Variants in C7orf57 observed in about 807,000 individuals in gnomAD.
C7orf57 encodes the protein chromosome 7 open reading frame 57, also known as uncharacterized protein C7orf57.
Under a neutral mutation model 39.0 loss-of-function variants are expected in C7orf57, and 33 were observed. That is an observed-to-expected ratio of 0.85 (90% CI 0.64 to 1.13). The LOEUF (loss-of-function observed/expected upper bound fraction) is 1.13, where lower values mean the gene tolerates loss of function less well. C7orf57 is among the 50% of genes most tolerant of loss of function. The pLI is 0.00. For missense variants in C7orf57, 346 were observed against 362.3 expected (o/e 0.95, Z 0.37); for synonymous variants, 124 against 137.1 (o/e 0.90, Z 0.67).
rs375254209 is a variant in C7orf57, at chr7:48,036,295, T to C, written c.-14T>C. On this transcript the variant is annotated 5_prime_UTR_variant, in exon 2 of 9. Transcript: ENST00000348904. ...GCAGCATCTGTCTTTTCCCGCAGCG[T>C]GCAGCGCCTGACCATGAGGAACACA... 5.1e-6 allele frequency: 8 copies of C among 1,576,960 alleles called. No homozygotes were observed. Among genetic ancestry groups the C allele is most frequent in the Non-Finnish European group, 6.9e-6 (8 of 1,161,686 alleles).
chr7:48,052,729 A>T lies in C7orf57; in HGVS notation c.635A>T (p.Asn212Ile), dbSNP rs376207083. ...GGTCAAAAAAACAGTTCACCTACCA[A>T]TTTTTCCAAACTCATTAGCAATGGT... ...VPGQKNSSPT[N>I]FSKLISNGYK... is the part of the protein sequence containing the mutation. The change falls in exon 7 of 9, where the codon AAT becomes ATT. Residue 212 changes from asparagine (N) to isoleucine (I), a missense_variant. Coordinates refer to ENST00000348904, the MANE Select transcript of C7orf57 (RefSeq NM_001100159.3). The T allele has an allele frequency of 6.2e-7, 1 of 1,613,676 alleles. No homozygotes were observed. The highest frequency in any genetic ancestry group is 1.3e-5 in the African/African-American group (1 of 74,862).
chr7:48,047,043 T>A (rs1372300005), intron 5 of C7orf57, among the ~76,000 whole-genome samples: 1 of 152,210 alleles, frequency 6.6e-6, no homozygotes, highest in Non-Finnish European at 1.5e-5. Context: ...CTGTATGAAG[T>A]CCTGGTGGTG....
At chr7:48,039,196 G>A (rs2348666) in intron 2 of C7orf57, among the ~76,000 whole-genome samples, 70,643 of 152,008 alleles carry the variant, frequency 0.46, 17,051 homozygotes, top group African/African-American at 0.6. Context: ...GGACCATTTC[G>A]AACTATGTCA....
At chr7:48,050,081 C>A in intron 6 of C7orf57, 104 bp downstream of exon 6, 2 of 765,756 alleles carry the variant, frequency 2.6e-6, no homozygotes, top group Non-Finnish European at 2.3e-6. Context: ...CACACAACTT[C>A]CCGAAGCCCT....
chr7:48,055,418 T>A (rs1226839506), intron 8 of C7orf57, among the ~76,000 whole-genome samples: 3 of 152,238 alleles, frequency 2.0e-5, no homozygotes, highest in African/African-American at 7.2e-5. Flanking sequence ...TAAATCAAGG[T>A]AACTAAAATA....
chr7:48,053,291 C>CT (rs1452053441), intron 7 of C7orf57, among the ~76,000 whole-genome samples: 1 of 152,128 alleles, frequency 6.6e-6, no homozygotes, highest in Non-Finnish European at 1.5e-5. Context: ...GCAGCCGGTA[C>CT]TTTTTGAGAT....
intron 1 of C7orf57, 115 bp from the exon 2 acceptor site, chr7:48,036,093 G>A: frequency 3.2e-6 from 2 of 627,128 alleles, no homozygotes; most frequent in Non-Finnish European, 5.7e-6. Context: ...CATGCCCCCT[G>A]CTGTATACCC....
chr7:48,041,584 T>C (rs889978349), intron 3 of C7orf57, 65 bp downstream of exon 3: 18 of 1,293,324 alleles, frequency 1.4e-5, no homozygotes, highest in Non-Finnish European at 1.5e-5. Flanking sequence ...CGTTTGTTCC[T>C]AATTTCTTCC....
Position 48,060,490 on chromosome 7 carries a change from C to G in C7orf57, c.*218C>G, listed in dbSNP as rs1339959103. 1 of 422,422 alleles carries G rather than the reference C, an allele frequency of 2.4e-6. No individual in the cohort carries two copies. The highest frequency in any genetic ancestry group is 4.4e-6 in the Non-Finnish European group (1 of 225,900). 26.2% of individuals were successfully genotyped at this position (422,422 alleles called of 1,614,324 possible). A position where few individuals can be genotyped will look rare whatever the true frequency, so the allele number is the denominator to read the frequency against. On this transcript the variant is annotated 3_prime_UTR_variant, in exon 9 of 9. Transcript: ENST00000348904. ...GGATGTGAAACACTTGGCTAACAAACACAACTAAGGCCTCTGGTACCCTCT... is the reference window on the plus strand; with the variant it reads ...GGATGTGAAACACTTGGCTAACAAAGACAACTAAGGCCTCTGGTACCCTCT...
intron 4 of C7orf57, among the ~76,000 whole-genome samples, chr7:48,044,230 G>A (rs984142012): frequency 2.0e-5 from 3 of 152,082 alleles, no homozygotes; most frequent in Non-Finnish European, 2.9e-5. Context: ...GGTCTGCAAC[G>A]GAGGCAATCA....
intron 6 of C7orf57, 63 bp downstream of exon 6, chr7:48,050,040 A>C: frequency 7.2e-6 from 8 of 1,106,062 alleles, no homozygotes; most frequent in Non-Finnish European, 1.1e-5. Flanking sequence ...TCCGTCTTTC[A>C]TCCGGTGATG....
intron 2 of C7orf57, among the ~76,000 whole-genome samples, chr7:48,039,621 T>C (rs192485192): frequency 2.6e-5 from 4 of 152,298 alleles, no homozygotes; most frequent in East Asian, 3.9e-4. Flanking sequence ...TATTTTCATC[T>C]AAAAAACTTC....
At chr7:48,040,174 C>G (rs1438247527) in intron 2 of C7orf57, among the ~76,000 whole-genome samples, 1 of 152,176 alleles carries the variant, frequency 6.6e-6, no homozygotes, top group African/African-American at 2.4e-5. Context: ...GCCTGCAGGG[C>G]CTGTCCTGGA....
intron 5 of C7orf57, among the ~76,000 whole-genome samples, chr7:48,048,073 G>A (rs957725988): frequency 1.3e-5 from 2 of 152,118 alleles, no homozygotes; most frequent in South Asian, 2.1e-4. Context: ...ATTTACAAAA[G>A]GTGTGCTAGG....
At chr7:48,048,497 C>T (rs909991501) in intron 5 of C7orf57, among the ~76,000 whole-genome samples, 1 of 152,184 alleles carries the variant, frequency 6.6e-6, no homozygotes, top group Non-Finnish European at 1.5e-5. Context: ...GCCATCTTTT[C>T]TTCCTATAAT....
intron 6 of C7orf57, among the ~76,000 whole-genome samples, chr7:48,051,726 C>CTTTT (rs144680412): frequency 0.58 from 56,431 of 97,324 alleles, 18,814 homozygotes; most frequent in Middle Eastern, 0.74. Flanking sequence ...TTCTTTCTTT[C>CTTTT]TCTTTTTCTT....
chr7:48,051,814 CTTCTCT>C (rs1441843962), intron 6 of C7orf57, among the ~76,000 whole-genome samples: 7 of 42,410 alleles, frequency 1.7e-4, no homozygotes, highest in Non-Finnish European at 2.6e-4. Context: ...TTCCTTTTCT[CTTCTCT>C]TTCTTTCTTT....
At chr7:48,051,018 GC>G (rs1249162273) in intron 6 of C7orf57, among the ~76,000 whole-genome samples, 11 of 152,266 alleles carry the variant, frequency 7.2e-5, no homozygotes, top group Admixed American at 6.5e-4. Context: ...GTGTCAAACT[GC>G]CCTGTCACTC....
Position 48,046,501 on chromosome 7 carries a change from A to T in C7orf57, c.392A>T (p.Glu131Val). 3 of 1,613,858 alleles carry T rather than the reference A, an allele frequency of 1.9e-6. No homozygotes were observed. Among genetic ancestry groups the T allele is most frequent in the Non-Finnish European group, 2.5e-6 (3 of 1,179,838 alleles). Residue 131 changes from glutamate (E) to valine (V), a missense_variant, in exon 5 of 9, where the codon GAA (glutamate) becomes GTA (valine). Physicochemically the swap from Glu to Val is moderately radical, Grantham distance 121. Transcript: ENST00000348904. ...ATGCCGGATTACATGGTTCATGAAG[A>T]ATTTAACCCCGATCAAGCCAATGGT... ...VSMPDYMVHE[E>V]FNPDQANGSY... is the part of the protein sequence containing the mutation.
Sources: allele counts gnomAD v4.1 joint callset (sites outside exome capture counted in the v4.1 genomes callset), GRCh38; gene constraint gnomAD v4.1.1; transcripts MANE v1.5; gene names NCBI Gene and HGNC (gene_info 2026-07-23, HGNC 2026-07-21).